Variants in NXPH2 observed in about 807,000 individuals in gnomAD.
NXPH2 encodes neurexophilin 2.
Under a neutral mutation model 19.8 loss-of-function variants are expected in NXPH2, and 5 were observed. That is an observed-to-expected ratio of 0.25 (90% CI 0.13 to 0.53). The LOEUF is 0.53. NXPH2 is among the 20% of genes least tolerant of loss of function. The probability of loss-of-function intolerance (pLI) is 0.96; values close to 1 mark genes in which losing one functional copy is unlikely to be tolerated. For synonymous variants in NXPH2, 154 were observed against 127.4 expected (o/e 1.21, Z -1.41); for missense variants, 289 against 322.8 (o/e 0.90, Z 0.80).
chr2:138,726,210 T>C (rs1274357641), intron 1 of NXPH2, among the ~76,000 whole-genome samples: 1 of 151,688 alleles, frequency 6.6e-6, no homozygotes, highest in East Asian at 1.9e-4. Context: ...GCCCAACTAA[T>C]TTTTTCATAT....
intron 1 of NXPH2, among the ~76,000 whole-genome samples, chr2:138,724,447 AT>A (rs1468792989): frequency 1.3e-5 from 2 of 152,196 alleles, no homozygotes; most frequent in Non-Finnish European, 2.9e-5. Flanking sequence ...AAATGGGGTG[AT>A]TGTATGTGTG....
At chr2:138,725,828 G>A (rs1470113293) in intron 1 of NXPH2, among the ~76,000 whole-genome samples, 1 of 152,138 alleles carries the variant, frequency 6.6e-6, no homozygotes, top group Non-Finnish European at 1.5e-5. Context: ...TGTATGTAAA[G>A]AATTTTCAAA....
Position 138,671,005 on chromosome 2 carries a change from A to G in NXPH2, c.712T>C (p.Tyr238His). The change falls in exon 2 of 2, where the codon TAC (tyrosine) becomes CAC (histidine). Residue 238 changes from tyrosine (Y) to histidine (H), a missense_variant. Physicochemically the swap from Tyr to His is moderately conservative, Grantham distance 83. Coordinates refer to ENST00000272641, the MANE Select transcript of NXPH2 (RefSeq NM_007226.3). ...TGCACGAGTTTATAATCAACACTGT[A>G]AAAGGCAATGTAAATGCAAATGACC... is the stretch of plus-strand genomic sequence containing the variant. ...FKVICIYIAF[Y>H]SVDYKLVQKV... 6.2e-7 allele frequency: 1 copy of G among 1,614,002 alleles called. No homozygotes were observed. The highest frequency in any genetic ancestry group is 2.2e-5 in the East Asian group (1 of 44,880).
At chr2:138,766,679 A>G (rs1682098295) in intron 1 of NXPH2, among the ~76,000 whole-genome samples, 1 of 152,190 alleles carries the variant, frequency 6.6e-6, no homozygotes, top group African/African-American at 2.4e-5. Flanking sequence ...ACTGCTGGAC[A>G]GCTCTCCCTG....
At position 138,770,246 on chromosome 2, in the gene NXPH2, C is replaced by A. The variant is rs1445613074; in HGVS notation, c.51+9945G>T. The stretch of plus-strand genomic sequence containing the variant: ...GGAAAACATAGAAGTCTTTTTAATT[C>A]TAATCCCACCATAATCTTTATACAA... On this transcript the variant is annotated intron_variant, in intron 1 of 1. Coordinates refer to ENST00000272641, the MANE Select transcript of NXPH2 (RefSeq NM_007226.3). 2.0e-5 allele frequency among the ~76,000 whole-genome samples: 3 copies of A among 152,212 alleles called. No homozygotes were observed. In the East Asian group the frequency reaches 5.8e-4, roughly 29 times the overall value.
At chr2:138,741,730 T>C (rs1681646081) in intron 1 of NXPH2, among the ~76,000 whole-genome samples, 1 of 152,194 alleles carries the variant, frequency 6.6e-6, no homozygotes, top group Admixed American at 6.5e-5. Context: ...CTGCAGTGGT[T>C]ACAACTAATC....
rs57810532 is a variant in NXPH2, at chr2:138,676,013, A to T, written c.52-4348T>A. On this transcript the variant is annotated intron_variant, in intron 1 of 1. Coordinates refer to ENST00000272641, the MANE Select transcript of NXPH2 (RefSeq NM_007226.3). ...AATCTATATAAAAGCACTTTTTTTTAAAATTTGGCTTTCCTTAGCACATCA... is the reference window on the plus strand; with the variant it reads ...AATCTATATAAAAGCACTTTTTTTTTAAATTTGGCTTTCCTTAGCACATCA... Among the ~76,000 whole-genome samples, 218 of 151,772 alleles carry T rather than the reference A, an allele frequency of 1.4e-3. 3 individuals are homozygous for T. The highest frequency in any genetic ancestry group is 5.2e-3 in the African/African-American group (214 of 41,350).
At chr2:138,747,489 G>T (rs1477869781) in intron 1 of NXPH2, among the ~76,000 whole-genome samples, 2 of 152,150 alleles carry the variant, frequency 1.3e-5, no homozygotes, top group African/African-American at 4.8e-5. Flanking sequence ...CTTGGCCCCT[G>T]ATTGTGACCT....
At chr2:138,711,450 C>T (rs960486122) in intron 1 of NXPH2, among the ~76,000 whole-genome samples, 1 of 152,010 alleles carries the variant, frequency 6.6e-6, no homozygotes, top group Admixed American at 6.6e-5. Context: ...CCCTGTCACT[C>T]TTATACCTTC....
chr2:138,726,728 C>A lies in NXPH2; in HGVS notation c.51+53463G>T, dbSNP rs934751697. On this transcript the variant is annotated intron_variant, in intron 1 of 1. Transcript: ENST00000272641. ...GCACATCCTCCCCCATTGTCAGCAT[C>A]CTGCACCTCAGTGGTACATTTGTTA... is the stretch of plus-strand genomic sequence containing the variant. 7.2e-5 allele frequency among the ~76,000 whole-genome samples: 11 copies of A among 152,156 alleles called. No individual in the cohort carries two copies. In the East Asian group the frequency reaches 2.1e-3, roughly 29 times the overall value.
intron 1 of NXPH2, among the ~76,000 whole-genome samples, chr2:138,701,291 T>A (rs183418988): frequency 3.9e-5 from 6 of 152,126 alleles, no homozygotes; most frequent in African/African-American, 1.4e-4. Flanking sequence ...GGAATGCCCA[T>A]TGGTTGGCAG....
intron 1 of NXPH2, among the ~76,000 whole-genome samples, chr2:138,761,985 C>T (rs1244297543): frequency 6.6e-6 from 1 of 152,122 alleles, no homozygotes; most frequent in Non-Finnish European, 1.5e-5. Context: ...ATAAGCATGA[C>T]TGAAACTTAG....
At chr2:138,760,033 C>T (rs181528559) in intron 1 of NXPH2, among the ~76,000 whole-genome samples, 35 of 152,110 alleles carry the variant, frequency 2.3e-4, no homozygotes, top group Non-Finnish European at 4.3e-4. Flanking sequence ...CCGGCCGCCA[C>T]CCTTTTTCTA....
intron 1 of NXPH2, among the ~76,000 whole-genome samples, chr2:138,747,949 T>C (rs1681767263): frequency 6.6e-6 from 1 of 152,204 alleles, no homozygotes; most frequent in East Asian, 1.9e-4. Flanking sequence ...CTTCAGGCTG[T>C]CTTTGCTCTG....
At chr2:138,736,902 C>A (rs781126468) in intron 1 of NXPH2, among the ~76,000 whole-genome samples, 1 of 152,214 alleles carries the variant, frequency 6.6e-6, no homozygotes, top group Non-Finnish European at 1.5e-5. Context: ...ATGCCACCAG[C>A]CTCTTTGTTG....
chr2:138,687,355 T>A (rs1405081091), intron 1 of NXPH2, among the ~76,000 whole-genome samples: 1 of 152,364 alleles, frequency 6.6e-6, no homozygotes, highest in East Asian at 1.9e-4. Flanking sequence ...TGTCTTCTTT[T>A]GAGAAGTGTC....
chr2:138,710,907 C>T (rs185559055), intron 1 of NXPH2, among the ~76,000 whole-genome samples: 14 of 152,220 alleles, frequency 9.2e-5, no homozygotes, highest in African/African-American at 2.6e-4. Flanking sequence ...AGTCTCTCCC[C>T]GACCTTCCTT....
chr2:138,779,954 C>T (rs1173755417), intron 1 of NXPH2, among the ~76,000 whole-genome samples: 1 of 152,174 alleles, frequency 6.6e-6, no homozygotes, highest in African/African-American at 2.4e-5. Context: ...CTACTTTACC[C>T]CAGCGCTCAA....
At chr2:138,733,970 C>G (rs1681495190) in intron 1 of NXPH2, among the ~76,000 whole-genome samples, 1 of 152,132 alleles carries the variant, frequency 6.6e-6, no homozygotes, top group Admixed American at 6.6e-5. Flanking sequence ...TGAGGGTGAG[C>G]ATGGTGGCTC....
Sources: gnomAD v4.1 joint callset for allele counts (sites outside exome capture counted in the v4.1 genomes callset) on GRCh38, gnomAD v4.1.1 for gene constraint, MANE v1.5 for transcripts, NCBI Gene and HGNC (gene_info 2026-07-23, HGNC 2026-07-21) for gene names.